DNAH12: variants seen among roughly 807,000 people sequenced by gnomAD.
The protein encoded by DNAH12 is dynein axonemal heavy chain 12, also known as axonemal beta dynein heavy chain 12.
DNAH12 carries 285 observed loss-of-function variants against 371.5 expected under a neutral mutation model. The observed-to-expected ratio is 0.77, with a 90% CI of 0.70 to 0.85. The LOEUF is 0.85. Among genes scored for constraint, DNAH12 ranks in the 40% least tolerant of loss-of-function variants. The pLI, the probability that DNAH12 is intolerant of heterozygous loss-of-function variation, is 0.00. For missense variants in DNAH12, 3,611 were observed against 3,689.4 expected (o/e 0.98, Z 0.55); for synonymous variants, 1,200 against 1,213.0 (o/e 0.99, Z 0.22).
chr3:57,388,413 A>C (rs2063538600), intron 45 of DNAH12, among the ~76,000 whole-genome samples: 1 of 152,100 alleles, frequency 6.6e-6, no homozygotes, highest in African/African-American at 2.4e-5. Flanking sequence ...TAATATGCTT[A>C]TAATTTTTTT....
chr3:57,453,299 C>T lies in DNAH12; in HGVS notation c.3561G>A (p.Leu1187=). The T allele has an allele frequency of 6.5e-7, 1 of 1,550,074 alleles. No homozygotes were observed. Among genetic ancestry groups the T allele is most frequent in the South Asian group, 1.2e-5 (1 of 83,536 alleles). The change falls in exon 24 of 74, where the codon TTG becomes TTA. Residue 1187 remains leucine (L), a synonymous_variant. Transcript: ENST00000495027. ...CTCTAGCATGGACATCAATAGTAAC[C>T]AAAGCCCCCAGAGTGGTCCTGGTCT... ...SKQTRTTLGA[L]VTIDVHARDV...
intron 71 of DNAH12, 103 bp from the exon 72 acceptor site, chr3:57,296,538 T>C: frequency 1.1e-6 from 1 of 890,444 alleles, no homozygotes; most frequent in Non-Finnish European, 1.7e-6. Context: ...GAAACTCTAT[T>C]GTATAATAGC....
rs1415587571 is a variant in DNAH12, at chr3:57,501,393, G to A, written c.1263C>T (p.Leu421=). The change falls in exon 11 of 74, where the codon CTC becomes CTT. Residue 421 remains leucine (L), a synonymous_variant. Transcript: ENST00000495027. ...TATTCTCAACTGCAGTCCCATCAAG[G>A]AGCCAATTATATTTTTCAACTGAAA... ...YETYVEKYNW[L]LDGTAVENIE... is the part of the protein sequence containing the mutation. 2 of 1,586,794 alleles carry A rather than the reference G, an allele frequency of 1.3e-6. No homozygotes were observed. The highest frequency in any genetic ancestry group is 2.3e-5 in the East Asian group (1 of 43,900).
chr3:57,320,908 T>G (rs2061790198), intron 65 of DNAH12, among the ~76,000 whole-genome samples: 1 of 152,192 alleles, frequency 6.6e-6, no homozygotes, highest in Non-Finnish European at 1.5e-5. Flanking sequence ...GGTGAAGCCT[T>G]ACCTATTACC....
chr3:57,450,303 C>G (rs1470724704), intron 25 of DNAH12, among the ~76,000 whole-genome samples: 2 of 143,936 alleles, frequency 1.4e-5, no homozygotes, highest in African/African-American at 5.2e-5. Context: ...AATCCCAGCA[C>G]TTTGGGAGGC....
chr3:57,404,763 A>G lies in DNAH12; in HGVS notation c.6755+206T>C, dbSNP rs552073985. On this transcript the variant is annotated intron_variant, in intron 42 of 73. Coordinates refer to ENST00000495027, the MANE Select transcript of DNAH12 (RefSeq NM_001366028.2). The stretch of plus-strand genomic sequence containing the variant: ...AAAGAAACACAAGTTTCTTTTCACT[A>G]CTACTCGTATGACACAGGATGCAGT... Among the ~76,000 whole-genome samples, 13 of 152,272 alleles carry G rather than the reference A, an allele frequency of 8.5e-5. No homozygotes were observed. In the East Asian group the frequency reaches 1.9e-3, roughly 23 times the overall value.
rs747260509 is a variant in DNAH12, at chr3:57,322,358, G to A, written c.10509C>T (p.Cys3503=). The change falls in exon 65 of 74, where the codon TGC becomes TGT. Residue 3503 remains cysteine, a synonymous_variant. Coordinates refer to ENST00000495027, the MANE Select transcript of DNAH12 (RefSeq NM_001366028.2). The part of the protein sequence containing the change: ...PVSDPEFFKG[C]RGKELAWEKL... ...TGAATATTACCAGTTCCTTTCCACG[G>A]CATCCCTTGAAAAACTCAGGATCAG... The A allele has an allele frequency of 3.9e-6, 6 of 1,550,540 alleles. No individual in the cohort carries two copies. Among genetic ancestry groups the A allele is most frequent in the Non-Finnish European group, 4.4e-6 (5 of 1,146,438 alleles).
chr3:57,488,957 T>C (rs1486907580), intron 12 of DNAH12, among the ~76,000 whole-genome samples: 1 of 151,968 alleles, frequency 6.6e-6, no homozygotes, highest in Non-Finnish European at 1.5e-5. Context: ...TGTGTGTGTG[T>C]GTGCACGTGC....
chr3:57,389,937 G>T (rs1472272280), intron 45 of DNAH12, among the ~76,000 whole-genome samples: 1 of 149,076 alleles, frequency 6.7e-6, no homozygotes, highest in African/African-American at 2.4e-5. Flanking sequence ...CTGGGTTCAA[G>T]CAATTCTCCT....
intron 70 of DNAH12, 60 bp from the exon 71 acceptor site, chr3:57,297,044 A>G (rs1378159469): frequency 2.0e-6 from 3 of 1,528,070 alleles, no homozygotes; most frequent in African/African-American, 1.4e-5. Context: ...GTGCCACCTG[A>G]TGTACAATTC....
chr3:57,533,937 G>C (rs191731744), intron 2 of DNAH12, among the ~76,000 whole-genome samples: 2 of 152,170 alleles, frequency 1.3e-5, no homozygotes, highest in Non-Finnish European at 2.9e-5. Context: ...ACTTACCTAG[G>C]AGTTGCAGTC....
intron 55 of DNAH12, among the ~76,000 whole-genome samples, chr3:57,370,322 A>G (rs2063144196): frequency 1.3e-5 from 2 of 152,224 alleles, no homozygotes; most frequent in South Asian, 4.1e-4. Context: ...AGATAATTAT[A>G]AAAAACTAAC....
intron 8 of DNAH12, among the ~76,000 whole-genome samples, chr3:57,507,242 C>T (rs1207106034): frequency 6.6e-6 from 1 of 151,846 alleles, no homozygotes; most frequent in Non-Finnish European, 1.5e-5. Context: ...AAATTTTTTC[C>T]ACCAGATACC....
chr3:57,296,504 C>A, intron 71 of DNAH12, 69 bp from the exon 72 acceptor site: 2 of 1,207,990 alleles, frequency 1.7e-6, no homozygotes, highest in South Asian at 2.8e-5. Context: ...AACACATTAG[C>A]GAAATATTCA....
At chr3:57,413,989 C>A in intron 38 of DNAH12, 77 bp from the exon 39 acceptor site, 3 of 1,418,140 alleles carry the variant, frequency 2.1e-6, no homozygotes, top group Non-Finnish European at 2.8e-6. Context: ...AAATCAGTAT[C>A]AACAAGTAAA....
In DNAH12 at chr3:57,415,565, C is replaced by G. The variant is rs1439810415; in HGVS notation, c.5715-1G>C. The G allele has an allele frequency of 6.5e-7, 1 of 1,527,824 alleles. No individual in the cohort carries two copies. Among genetic ancestry groups the G allele is most frequent in the Non-Finnish European group, 8.8e-7 (1 of 1,141,770 alleles). 94.6% of individuals were successfully genotyped at this position (1,527,824 alleles called of 1,614,324 possible). A position where few individuals can be genotyped will look rare whatever the true frequency, so the allele number is the denominator to read the frequency against. On this transcript the variant is annotated splice_acceptor_variant, in intron 37 of 73. Transcript: ENST00000495027. LOFTEE classifies it high-confidence loss of function. ...CGTTGGACCCACAAAAAGGAGTGGC[C>G]TTAATGAAAACAATGAATATATTAT...
intron 60 of DNAH12, among the ~76,000 whole-genome samples, chr3:57,339,425 TA>T (rs1471772461): frequency 1.4e-5 from 2 of 138,298 alleles, no homozygotes; most frequent in Non-Finnish European, 3.1e-5. Context: ...TGAGAAAGAG[TA>T]GAACAGAGGC....
chr3:57,330,537 G>A (rs1350918889), intron 62 of DNAH12, among the ~76,000 whole-genome samples: 1 of 138,098 alleles, frequency 7.2e-6, no homozygotes, highest in Non-Finnish European at 1.5e-5. Flanking sequence ...CACAGGAGGG[G>A]GAACATCACA....
the DNAH12 span, among the ~76,000 whole-genome samples, chr3:57,551,333 G>A: frequency 3.3e-5 from 5 of 151,418 alleles, no homozygotes; most frequent in Admixed American, 1.3e-4. Flanking sequence ...GTGCAGTGGC[G>A]CGATCTCGGC....
Sources: allele counts gnomAD v4.1 joint callset (sites outside exome capture counted in the v4.1 genomes callset), GRCh38; gene constraint gnomAD v4.1.1; transcripts MANE v1.5; gene names NCBI Gene and HGNC (gene_info 2026-07-23, HGNC 2026-07-21).